Variants in ZNF786 observed in about 807,000 individuals in gnomAD.
ZNF786 encodes zinc finger protein 786.
Under a neutral mutation model 63.1 loss-of-function variants are expected in ZNF786, and 56 were observed. That is an observed-to-expected ratio of 0.89 (90% CI 0.72 to 1.11). ZNF786 has a LOEUF of 1.11. Among genes scored for constraint, ZNF786 ranks in the 50% least tolerant of loss-of-function variants. The pLI is 0.00. For missense variants in ZNF786, 1,213 were observed against 1,041.8 expected, an observed-to-expected ratio of 1.16 and a Z score of -2.26; for synonymous variants, 485 against 406.9, an observed-to-expected ratio of 1.19 and a Z score of -2.31.
intron 2 of ZNF786, among the ~76,000 whole-genome samples, chr7:149,075,268 G>A (rs1041940510): frequency 1.3e-5 from 2 of 152,072 alleles, no homozygotes; most frequent in Non-Finnish European, 2.9e-5. Context: ...TTTTAGATAG[G>A]GTCTCACTCT....
chr7:149,073,743 GTGTGTATATA>G (rs1296480711), intron 3 of ZNF786, among the ~76,000 whole-genome samples: 6 of 69,148 alleles, frequency 8.7e-5, no homozygotes, highest in African/African-American at 3.1e-4. Context: ...GTGTGTGTGT[GTGTGTATATA>G]TATATATATA....
At chr7:149,073,716 T>G in intron 3 of ZNF786, among the ~76,000 whole-genome samples, 1 of 111,684 alleles carries the variant, frequency 9.0e-6, no homozygotes, top group South Asian at 3.7e-4. Context: ...TGTGTGTGTA[T>G]ATGTGTGCGT....
intron 2 of ZNF786, among the ~76,000 whole-genome samples, chr7:149,076,500 G>A (rs1205311877): frequency 6.6e-6 from 1 of 150,626 alleles, no homozygotes; most frequent in Non-Finnish European, 1.5e-5. Context: ...AGGCCGAGGC[G>A]GGAGGATGAC....
intron 1 of ZNF786, chr7:149,082,511 T>C (rs1486026878): frequency 8.7e-6 from 8 of 917,712 alleles, no homozygotes; most frequent in Non-Finnish European, 1.0e-5. Flanking sequence ...TCCCACCTTT[T>C]ATTGAACTGC....
In ZNF786 at chr7:149,071,178, T is replaced by G. The variant is rs1220956537; in HGVS notation, c.1594A>C (p.Ser532Arg). The stretch of plus-strand genomic sequence containing the variant: ...AGGCACTGGAAGGGCCTCTCCCCGC[T>G]GTGCACTCTCAGGTGCTCACGGAGC... ...CKLREHLRVH[S>R]GERPFQCLKC... The change falls in exon 4 of 4, where the codon AGC becomes CGC. Residue 532 changes from serine to arginine, a missense_variant. Physicochemically the swap from Ser to Arg is moderately radical, Grantham distance 110. Transcript: ENST00000491431. 6.2e-7 allele frequency: 1 copy of G among 1,612,298 alleles called. No homozygotes were observed. Among genetic ancestry groups the G allele is most frequent in the Admixed American group, 1.7e-5 (1 of 59,996 alleles).
chr7:149,089,905 G>A (rs1300217070), intron 1 of ZNF786, among the ~76,000 whole-genome samples: 17 of 151,200 alleles, frequency 1.1e-4, no homozygotes, highest in Non-Finnish European at 2.2e-4. Flanking sequence ...AGTAGAGTTG[G>A]GGTTTCACCA....
At chr7:149,086,286 C>G (rs189570394) in intron 1 of ZNF786, among the ~76,000 whole-genome samples, 35 of 152,314 alleles carry the variant, frequency 2.3e-4, no homozygotes, top group African/African-American at 7.5e-4. Flanking sequence ...AAGCACATCA[C>G]CAGCATCTAC....
rs771667646 is a variant in ZNF786 at position 149,071,546 on chromosome 7, C to G, written c.1226G>C (p.Arg409Pro). 2 of 1,612,234 alleles carry G rather than the reference C, an allele frequency of 1.2e-6. No homozygotes were observed. Among genetic ancestry groups the G allele is most frequent in the Non-Finnish European group, 1.7e-6 (2 of 1,179,572 alleles). The change falls in exon 4 of 4, where the codon CGC becomes CCC. Residue 409 changes from arginine (R) to proline (P), a missense_variant. Physicochemically the swap from Arg to Pro is moderately radical, Grantham distance 103. Transcript: ENST00000491431. ...GTGCTGGTGGACCTGCAGCAGGCGG[C>G]GCAGGCGGAAGCGCTTGGTGCAATG... Reference protein sequence around the residue: ...CAHCTKRFRLRRLLQVHQHAH... With the variant: ...CAHCTKRFRLPRLLQVHQHAH...
chr7:149,085,540 C>T (rs900988023), intron 1 of ZNF786, among the ~76,000 whole-genome samples: 15 of 152,214 alleles, frequency 9.9e-5, no homozygotes, highest in Non-Finnish European at 2.2e-4. Flanking sequence ...TGGTCTCGAA[C>T]TCCTGGCCTC....
intron 3 of ZNF786, among the ~76,000 whole-genome samples, chr7:149,074,047 C>T (rs567232487): frequency 1.3e-5 from 2 of 151,840 alleles, no homozygotes; most frequent in East Asian, 1.9e-4. Flanking sequence ...CCCGCCTCGG[C>T]CACCCAAAGT....
intron 2 of ZNF786, among the ~76,000 whole-genome samples, chr7:149,075,719 A>AGTG (rs1332744936): frequency 2.8e-4 from 24 of 84,358 alleles, no homozygotes; most frequent in Non-Finnish European, 4.4e-4. Flanking sequence ...GCTGAAGTGC[A>AGTG]GTGGTGCAAT....
rs908553696 is a variant in ZNF786 at position 149,070,324 on chromosome 7, C to T, written c.*99G>A. 3.4e-6 allele frequency: 5 copies of T among 1,488,050 alleles called. No individual in the cohort carries two copies. The African/African-American group carries it at 7.0e-5, about 21-fold the overall frequency. 92.2% of individuals were successfully genotyped at this position (1,488,050 alleles called of 1,614,324 possible). ...GACACTCTTGCTCAAAGAAGGATAC[C>T]TGCTCCTAAAACCCGTCTACCAGCG... On this transcript the variant is annotated 3_prime_UTR_variant, in exon 4 of 4. Coordinates refer to ENST00000491431, the MANE Select transcript of ZNF786 (RefSeq NM_152411.4).
At position 149,070,089 on chromosome 7, in the gene ZNF786, T is replaced by A. The variant is rs1373676793; in HGVS notation, c.*334A>T. ...ACATATAACCTCGTAGAAATTGTTT[T>A]CGTTTGCAGATGCCTCCTTTTTCAT... On this transcript the variant is annotated 3_prime_UTR_variant, in exon 4 of 4. Coordinates refer to ENST00000491431, the MANE Select transcript of ZNF786 (RefSeq NM_152411.4). 2.0e-5 allele frequency: 4 copies of A among 203,830 alleles called. No homozygotes were observed. Among genetic ancestry groups the A allele is most frequent in the Admixed American group, 5.2e-5 (1 of 19,102 alleles). The allele number at this position is 203,830 out of a possible 1,614,324, so 12.6% of individuals were successfully genotyped here.
rs1405268530 is a variant in ZNF786 at position 149,071,415 on chromosome 7, A to G, written c.1357T>C (p.Phe453Leu). The change falls in exon 4 of 4, where the codon TTC becomes CTC. Residue 453 changes from phenylalanine (F) to leucine (L), a missense_variant. Physicochemically the swap from Phe to Leu is conservative, Grantham distance 22 (BLOSUM62 0). Coordinates refer to ENST00000491431, the MANE Select transcript of ZNF786 (RefSeq NM_152411.4). ...HIRVHSGEKP[F>L]RCAKCGRNFR... ...TTCCTGCCACACTTGGCACACCGGAAAGGCTTCTCTCCGCTGTGGACTCGA... is the reference window on the plus strand; with the variant it reads ...TTCCTGCCACACTTGGCACACCGGAGAGGCTTCTCTCCGCTGTGGACTCGA... The G allele has an allele frequency of 5.0e-6, 8 of 1,612,518 alleles. No homozygotes were observed. Among genetic ancestry groups the G allele is most frequent in the African/African-American group, 1.3e-5 (1 of 74,504 alleles).
intron 1 of ZNF786, 120 bp downstream of exon 1, chr7:149,090,503 G>T: frequency 1.7e-6 from 2 of 1,158,494 alleles, no homozygotes; most frequent in Non-Finnish European, 2.3e-6. Flanking sequence ...GCAGCCTGCA[G>T]ACTCCGTCCT....
intron 2 of ZNF786, among the ~76,000 whole-genome samples, chr7:149,077,675 C>T (rs1401410371): frequency 2.6e-5 from 4 of 151,582 alleles, no homozygotes; most frequent in Non-Finnish European, 5.9e-5. Context: ...TTCTCCTAGC[C>T]GGCCACAGTG....
At chr7:149,084,828 G>A (rs1825708765) in intron 1 of ZNF786, among the ~76,000 whole-genome samples, 2 of 152,088 alleles carry the variant, frequency 1.3e-5, no homozygotes, top group South Asian at 4.1e-4. Context: ...TGTTTTTGTT[G>A]CAGTTGCTTT....
Position 149,070,103 on chromosome 7 carries a change from C to T in ZNF786, c.*320G>A, listed in dbSNP as rs776741304. On this transcript the variant is annotated 3_prime_UTR_variant, in exon 4 of 4. Transcript: ENST00000491431. ...AGAAATTGTTTTCGTTTGCAGATGC[C>T]TCCTTTTTCATAAAATTATGTCCTT... 13 of 208,234 alleles carry T rather than the reference C, an allele frequency of 6.2e-5. No individual in the cohort carries two copies. The highest frequency in any genetic ancestry group is 1.2e-4 in the Non-Finnish European group (12 of 102,740). 12.9% of individuals were successfully genotyped at this position (208,234 alleles called of 1,614,324 possible). A position where few individuals can be genotyped will look rare whatever the true frequency, so the allele number is the denominator to read the frequency against.
At position 149,071,663 on chromosome 7, in the gene ZNF786, G is replaced by A. The variant is rs1363372863; in HGVS notation, c.1109C>T (p.Ser370Phe). ...GGAGCGCTCGCCACACTCCGAGCAG[G>A]AGCAGGGCCCCTCTGCGCCATGCTG... is the stretch of plus-strand genomic sequence containing the variant. Reference protein sequence around the residue: ...ALQHGAEGPCSCSECGERSPM... With the variant: ...ALQHGAEGPCFCSECGERSPM... Residue 370 changes from serine (S) to phenylalanine (F), a missense_variant, in exon 4 of 4, where the codon TCC (serine) becomes TTC (phenylalanine). By Grantham distance (155) the Ser-to-Phe change is radical (BLOSUM62 -2). Coordinates refer to ENST00000491431, the MANE Select transcript of ZNF786 (RefSeq NM_152411.4). The A allele has an allele frequency of 1.9e-6, 3 of 1,568,584 alleles. No individual in the cohort carries two copies. The highest frequency in any genetic ancestry group is 1.3e-5 in the African/African-American group (1 of 74,120).
Sources: gnomAD v4.1 joint callset for allele counts (sites outside exome capture counted in the v4.1 genomes callset) on GRCh38, gnomAD v4.1.1 for gene constraint, MANE v1.5 for transcripts, NCBI Gene and HGNC (gene_info 2026-07-23, HGNC 2026-07-21) for gene names.